ADCY8: variants seen among roughly 807,000 people sequenced by gnomAD.
ADCY8 encodes the protein adenylate cyclase 8.
Under a neutral mutation model 119.7 loss-of-function variants are expected in ADCY8, and 51 were observed. The ratio of observed to expected loss-of-function variants is 0.43; its 90% CI spans 0.34 to 0.54. ADCY8 has a LOEUF of 0.54. Among genes scored for constraint, ADCY8 ranks in the 20% least tolerant of loss-of-function variants. ADCY8 has a pLI of 0.03. For missense variants in ADCY8, 1,383 were observed against 1,598.8 expected, an observed-to-expected ratio of 0.87 and a Z score of 2.30; for synonymous variants, 665 against 651.0, an observed-to-expected ratio of 1.02 and a Z score of -0.33.
At chr8:131,014,174 T>C (rs923506617) in intron 1 of ADCY8, among the ~76,000 whole-genome samples, 2 of 152,206 alleles carry the variant, frequency 1.3e-5, no homozygotes, top group East Asian at 3.9e-4. Flanking sequence ...AGGCATCAGT[T>C]AACCTCTACA....
chr8:131,014,080 C>A (rs896425539), intron 1 of ADCY8, among the ~76,000 whole-genome samples: 2 of 152,118 alleles, frequency 1.3e-5, no homozygotes, highest in African/African-American at 4.8e-5. Context: ...CAAGCTGAGA[C>A]CAATCAAGTG....
At chr8:130,999,440 C>G (rs1382271094) in intron 1 of ADCY8, among the ~76,000 whole-genome samples, 3 of 152,084 alleles carry the variant, frequency 2.0e-5, no homozygotes, top group African/African-American at 7.2e-5. Flanking sequence ...GTTGGAAGCA[C>G]TCACAGAGCC....
In ADCY8 at chr8:130,849,766, T is replaced by A; in HGVS notation, c.2248A>T (p.Met750Leu). Residue 750 changes from methionine to leucine, a missense_variant, in exon 10 of 18, where the codon ATG (methionine) becomes TTG (leucine). Transcript: ENST00000286355. ...ATGAGGACCAGAGCCGAGTGCAGCA[T>A]AATCAGAATGGAGAACTGGATGGTC... ...PMTIQFSILI[M>L]LHSALVLITT... The A allele has an allele frequency of 1.2e-6, 2 of 1,613,638 alleles. No homozygotes were observed. Among genetic ancestry groups the A allele is most frequent in the Non-Finnish European group, 1.7e-6 (2 of 1,179,764 alleles).
chr8:130,943,350 C>T lies in ADCY8; in HGVS notation c.1353+1G>A, dbSNP rs758650890. On this transcript the variant is annotated splice_donor_variant, in intron 4 of 17. Coordinates refer to ENST00000286355, the MANE Select transcript of ADCY8 (RefSeq NM_001115.3). LOFTEE classifies it high-confidence loss of function. ...CGAGGAGGAAATTAAATTCAACTCA[C>T]ATGGGCCAGTCGATCAAATCTGGCA... 6.2e-7 allele frequency: 1 copy of T among 1,610,228 alleles called. No individual in the cohort carries two copies. Among genetic ancestry groups the T allele is most frequent in the Non-Finnish European group, 8.5e-7 (1 of 1,176,666 alleles).
At chr8:130,895,071 C>T (rs1819335818) in intron 7 of ADCY8, among the ~76,000 whole-genome samples, 1 of 152,062 alleles carries the variant, frequency 6.6e-6, no homozygotes, top group Admixed American at 6.6e-5. Flanking sequence ...GAAAATAAAT[C>T]CCACTTCTTT....
intron 7 of ADCY8, among the ~76,000 whole-genome samples, chr8:130,898,052 G>A (rs181070365): frequency 1.3e-4 from 19 of 151,696 alleles, no homozygotes; most frequent in Non-Finnish European, 1.9e-4. Context: ...AAACAAGGTA[G>A]AAGATGACAC....
At chr8:130,876,114 G>A (rs1191927834) in intron 8 of ADCY8, among the ~76,000 whole-genome samples, 1 of 151,886 alleles carries the variant, frequency 6.6e-6, no homozygotes, top group East Asian at 1.9e-4. Flanking sequence ...GCAGTGGTGC[G>A]ATCTCAGTTC....
At chr8:130,845,766 A>G (rs147085876) in intron 11 of ADCY8, among the ~76,000 whole-genome samples, 66 of 152,250 alleles carry the variant, frequency 4.3e-4, no homozygotes, top group African/African-American at 1.4e-3. Flanking sequence ...TTTCTCCTCT[A>G]GGGACCAGGG....
At chr8:130,899,937 T>A (rs1390687339) in intron 7 of ADCY8, among the ~76,000 whole-genome samples, 1 of 152,208 alleles carries the variant, frequency 6.6e-6, no homozygotes, top group African/African-American at 2.4e-5. Flanking sequence ...TCACTTTTGA[T>A]CTACTTCAAT....
intron 2 of ADCY8, among the ~76,000 whole-genome samples, chr8:130,976,251 C>T (rs999105685): frequency 5.3e-5 from 8 of 152,110 alleles, no homozygotes; most frequent in African/African-American, 1.9e-4. Flanking sequence ...CTTGCTAGGG[C>T]CCCTCTGAAG....
chr8:130,865,642 T>G (rs1400910599), intron 9 of ADCY8, among the ~76,000 whole-genome samples: 1 of 152,190 alleles, frequency 6.6e-6, no homozygotes, highest in Non-Finnish European at 1.5e-5. Flanking sequence ...AAGAGCATGG[T>G]TCAGAGTTCT....
intron 11 of ADCY8, among the ~76,000 whole-genome samples, chr8:130,845,393 CA>C (rs1381978402): frequency 6.6e-6 from 1 of 152,096 alleles, no homozygotes; most frequent in African/African-American, 2.4e-5. Context: ...CCACAGTAGC[CA>C]TGTAAAGAAG....
At chr8:130,867,428 T>C (rs1818167191) in intron 9 of ADCY8, among the ~76,000 whole-genome samples, 1 of 152,182 alleles carries the variant, frequency 6.6e-6, no homozygotes, top group Non-Finnish European at 1.5e-5. Flanking sequence ...AGTAGAACAG[T>C]GGCTGGCCAC....
chr8:131,027,639 T>G (rs1823862531), intron 1 of ADCY8, among the ~76,000 whole-genome samples: 1 of 152,136 alleles, frequency 6.6e-6, no homozygotes, highest in Non-Finnish European at 1.5e-5. Flanking sequence ...TGTTACTTGT[T>G]GGGGTTGGGC....
intron 7 of ADCY8, among the ~76,000 whole-genome samples, chr8:130,889,490 G>T (rs936317763): frequency 6.6e-6 from 1 of 152,016 alleles, no homozygotes; most frequent in African/African-American, 2.4e-5. Flanking sequence ...GCCTCTATAT[G>T]TTTCATGGAA....
At chr8:130,885,985 G>T (rs1424959499) in intron 7 of ADCY8, among the ~76,000 whole-genome samples, 2 of 151,970 alleles carry the variant, frequency 1.3e-5, no homozygotes, top group African/African-American at 2.4e-5. Context: ...AGAGAGACTT[G>T]CTCATTTGCC....
intron 1 of ADCY8, among the ~76,000 whole-genome samples, chr8:130,992,382 C>CACATATATATATATATAT (rs1563758967): frequency 1.3e-5 from 1 of 78,054 alleles, no homozygotes; most frequent in African/African-American, 5.3e-5. Flanking sequence ...CTGTATCTGG[C>CACATATATATATATATAT]ATATATATAT....
chr8:130,790,371 T>C (rs991041009), intron 15 of ADCY8, among the ~76,000 whole-genome samples: 8 of 152,148 alleles, frequency 5.3e-5, no homozygotes, highest in African/African-American at 1.4e-4. Flanking sequence ...TTGTTTTTAA[T>C]ATCTATAAGT....
intron 3 of ADCY8, among the ~76,000 whole-genome samples, chr8:130,945,539 A>C (rs1304216686): frequency 6.6e-6 from 1 of 152,246 alleles, no homozygotes; most frequent in Non-Finnish European, 1.5e-5. Context: ...GATAACTGGC[A>C]TACTTGCCTC....
Sources: allele counts gnomAD v4.1 joint callset (sites outside exome capture counted in the v4.1 genomes callset), GRCh38; gene constraint gnomAD v4.1.1; transcripts MANE v1.5; gene names NCBI Gene and HGNC (gene_info 2026-07-23, HGNC 2026-07-21).